Variants in CNTN4 observed in about 807,000 individuals in gnomAD.
The protein encoded by CNTN4 is contactin 4.
A neutral mutation model predicts 122.5 loss-of-function variants in CNTN4; 77 were observed. That is an observed-to-expected ratio of 0.63 (90% confidence interval 0.52 to 0.76). The LOEUF is 0.76. Ranked by LOEUF, CNTN4 falls within the 30% of genes least tolerant of loss-of-function variation. CNTN4 has a pLI of 0.00. For missense variants in CNTN4, 1,256 were observed against 1,259.1 expected, an observed-to-expected ratio of 1.00 and a Z score of 0.04; for synonymous variants, 512 against 447.0, an observed-to-expected ratio of 1.15 and a Z score of -1.83.
chr3:2,669,572 T>C (rs2084380849), intron 4 of CNTN4, among the ~76,000 whole-genome samples: 1 of 152,248 alleles, frequency 6.6e-6, no homozygotes, highest in African/African-American at 2.4e-5. Flanking sequence ...TTTTGAACGG[T>C]TTTTTGTGTC....
intron 3 of CNTN4, among the ~76,000 whole-genome samples, chr3:2,510,532 TA>T (rs1434051705): frequency 6.6e-6 from 1 of 152,136 alleles, no homozygotes; most frequent in African/African-American, 2.4e-5. Flanking sequence ...ACGGGTGCCT[TA>T]ATCACAGCCT....
intron 3 of CNTN4, among the ~76,000 whole-genome samples, chr3:2,417,540 G>A (rs2047459802): frequency 1.3e-5 from 2 of 152,166 alleles, no homozygotes; most frequent in Admixed American, 1.3e-4. Flanking sequence ...CTCTAGGGGA[G>A]TGATTGTAAT....
At chr3:2,103,429 A>G (rs546476511) in intron 2 of CNTN4, among the ~76,000 whole-genome samples, 3 of 152,224 alleles carry the variant, frequency 2.0e-5, no homozygotes, top group East Asian at 3.9e-4. Flanking sequence ...CACCACTACA[A>G]CTGCTCTTTC....
chr3:2,114,422 T>C (rs931744267), intron 2 of CNTN4, among the ~76,000 whole-genome samples: 20 of 152,130 alleles, frequency 1.3e-4, no homozygotes, highest in Admixed American at 1.3e-3. Flanking sequence ...ATCCTGTCAC[T>C]GCACTCCAGT....
chr3:2,761,123 C>T (rs565063849), intron 6 of CNTN4, among the ~76,000 whole-genome samples: 1 of 152,140 alleles, frequency 6.6e-6, no homozygotes, highest in African/African-American at 2.4e-5. Context: ...ACCTTGTACT[C>T]GTTTTCTAAG....
At chr3:2,773,937 T>A (rs573612567) in intron 6 of CNTN4, among the ~76,000 whole-genome samples, 1 of 152,056 alleles carries the variant, frequency 6.6e-6, no homozygotes. Context: ...GTTTTATATT[T>A]TTAGTACAGA....
intron 3 of CNTN4, among the ~76,000 whole-genome samples, chr3:2,450,273 A>G (rs987855228): frequency 6.6e-6 from 1 of 151,992 alleles, no homozygotes; most frequent in African/African-American, 2.4e-5. Flanking sequence ...AGGCTGAGGC[A>G]GGAGGATCAC....
intron 7 of CNTN4, among the ~76,000 whole-genome samples, chr3:2,849,394 A>G (rs896757549): frequency 1.3e-5 from 2 of 152,238 alleles, no homozygotes; most frequent in East Asian, 1.9e-4. Context: ...GCACTTACAA[A>G]TGATTAAAAT....
intron 21 of CNTN4, 136 bp from the exon 22 acceptor site, chr3:3,042,841 T>C: frequency 1.3e-6 from 1 of 746,104 alleles, no homozygotes; most frequent in Non-Finnish European, 2.3e-6. Context: ...CAGAGTCCTT[T>C]GTCCTGATAG....
intron 2 of CNTN4, among the ~76,000 whole-genome samples, chr3:2,309,389 G>T (rs900639706): frequency 2.0e-5 from 3 of 152,100 alleles, no homozygotes; most frequent in African/African-American, 4.8e-5. Context: ...GTTAGATCAT[G>T]TGTTTTTTAA....
chr3:2,665,496 A>C (rs1228997484), intron 4 of CNTN4, among the ~76,000 whole-genome samples: 1 of 152,222 alleles, frequency 6.6e-6, no homozygotes, highest in African/African-American at 2.4e-5. Context: ...GTATCTCTGG[A>C]GATTGACATA....
chr3:2,109,352 C>A (rs1217073238), intron 2 of CNTN4, among the ~76,000 whole-genome samples: 1 of 151,972 alleles, frequency 6.6e-6, no homozygotes, highest in Non-Finnish European at 1.5e-5. Flanking sequence ...AATCACTACT[C>A]CATTATTAAT....
chr3:2,449,604 G>C (rs926900879), intron 3 of CNTN4, among the ~76,000 whole-genome samples: 2 of 117,084 alleles, frequency 1.7e-5, no homozygotes, highest in Non-Finnish European at 3.4e-5. Flanking sequence ...GACAGAGCAA[G>C]ACTCCATCTC....
intron 6 of CNTN4, among the ~76,000 whole-genome samples, chr3:2,812,882 T>G (rs62234209): frequency 0.13 from 19,181 of 152,238 alleles, 1,236 homozygotes; most frequent in South Asian, 0.15. Flanking sequence ...GTAAGAGTGC[T>G]AAGTTTGTAC....
intron 2 of CNTN4, among the ~76,000 whole-genome samples, chr3:2,241,992 T>C (rs1314556436): frequency 6.6e-6 from 1 of 152,114 alleles, no homozygotes; most frequent in African/African-American, 2.4e-5. Context: ...TTCTAAATGT[T>C]GAGGAATACG....
At chr3:2,513,929 A>G (rs2149092652) in intron 3 of CNTN4, among the ~76,000 whole-genome samples, 1 of 152,296 alleles carries the variant, frequency 6.6e-6, no homozygotes, top group South Asian at 2.1e-4. Flanking sequence ...GAAAGAGAAT[A>G]AAGGAAAAGT....
intron 2 of CNTN4, among the ~76,000 whole-genome samples, chr3:2,335,095 T>C (rs1194179156): frequency 6.6e-6 from 1 of 152,152 alleles, no homozygotes; most frequent in African/African-American, 2.4e-5. Context: ...CGAGTACATT[T>C]ATGTTGACAG....
At chr3:2,600,318 C>T (rs2080981434) in intron 4 of CNTN4, among the ~76,000 whole-genome samples, 1 of 152,016 alleles carries the variant, frequency 6.6e-6, no homozygotes, top group South Asian at 2.1e-4. Context: ...TCGTCATTTA[C>T]ATTAGGTATG....
chr3:3,034,863 G>A (rs550899037), intron 17 of CNTN4, 73 bp downstream of exon 17: 11 of 1,495,580 alleles, frequency 7.4e-6, no homozygotes, highest in South Asian at 3.4e-5. Flanking sequence ...GGCAAGGAAC[G>A]TCTAAGTTCT....
Sources: gnomAD v4.1 joint callset for allele counts (sites outside exome capture counted in the v4.1 genomes callset) on GRCh38, gnomAD v4.1.1 for gene constraint, MANE v1.5 for transcripts, NCBI Gene and HGNC (gene_info 2026-07-23, HGNC 2026-07-21) for gene names.